Variants in HAUS2 observed in about 807,000 individuals in gnomAD.
HAUS2 encodes HAUS augmin-like complex subunit 2.
In HAUS2, 20 loss-of-function variants were observed where a neutral mutation model predicts 21.6. That is an observed-to-expected ratio of 0.93 (90% CI 0.65 to 1.35). The LOEUF (loss-of-function observed/expected upper bound fraction) is 1.35. Ranked by LOEUF, HAUS2 falls within the 40% of genes most tolerant of loss-of-function variation. HAUS2 has a pLI of 0.00. For missense variants in HAUS2, 297 were observed against 280.7 expected, an observed-to-expected ratio of 1.06 and a Z score of -0.42; for synonymous variants, 113 against 95.6, an observed-to-expected ratio of 1.18 and a Z score of -1.06.
At chr15:42,564,245 G>A (rs76252742) in intron 5 of HAUS2, among the ~76,000 whole-genome samples, 10 of 147,108 alleles carry the variant, frequency 6.8e-5, no homozygotes, top group Admixed American at 3.4e-4. Context: ...CATCCTGGGC[G>A]ACAGCAAGAC....
chr15:42,555,039 G>A (rs1198050019), intron 1 of HAUS2, among the ~76,000 whole-genome samples: 1 of 151,360 alleles, frequency 6.6e-6, no homozygotes, highest in Non-Finnish European at 1.5e-5. Flanking sequence ...CATCAGGCTG[G>A]AGTGCAATGG....
chr15:42,554,010 A>G (rs919209479), intron 1 of HAUS2, among the ~76,000 whole-genome samples: 1 of 152,228 alleles, frequency 6.6e-6, no homozygotes, highest in Non-Finnish European at 1.5e-5. Context: ...TATCTACTTC[A>G]GTGAATGGCA....
chr15:42,558,796 A>G (rs536276988), intron 2 of HAUS2, among the ~76,000 whole-genome samples: 4 of 152,002 alleles, frequency 2.6e-5, no homozygotes, highest in African/African-American at 7.2e-5. Flanking sequence ...CGTCTCTACA[A>G]AAAATTTTAA....
At chr15:42,553,996 G>A (rs1473733288) in intron 1 of HAUS2, among the ~76,000 whole-genome samples, 1 of 152,142 alleles carries the variant, frequency 6.6e-6, no homozygotes. Flanking sequence ...AAAATATCTT[G>A]TGTTATCTAC....
At position 42,548,863 on chromosome 15, in the gene HAUS2, C is replaced by G. The variant is rs537169023; in HGVS notation, c.-10C>G. ...ACTCTTGGCGCCTTCGCGGAAGGTGCGTCCGAGCCATGGCCGCTGCCAACC... is the reference window on the plus strand; with the variant it reads ...ACTCTTGGCGCCTTCGCGGAAGGTGGGTCCGAGCCATGGCCGCTGCCAACC... On this transcript the variant is annotated 5_prime_UTR_variant, in exon 1 of 6. Transcript: ENST00000260372. 2 of 1,544,728 alleles carry G rather than the reference C, an allele frequency of 1.3e-6. No individual in the cohort carries two copies. The highest frequency in any genetic ancestry group is 4.0e-5 in the Admixed American group (2 of 50,522).
chr15:42,549,663 A>G (rs959696805), intron 1 of HAUS2, among the ~76,000 whole-genome samples: 3 of 147,592 alleles, frequency 2.0e-5, no homozygotes, highest in Non-Finnish European at 3.0e-5. Flanking sequence ...GTAAGCCAGG[A>G]TGGTCCCGAT....
chr15:42,552,386 C>G (rs2057734609), intron 1 of HAUS2, among the ~76,000 whole-genome samples: 1 of 152,160 alleles, frequency 6.6e-6, no homozygotes, highest in Admixed American at 6.5e-5. Context: ...GTCACGTCAT[C>G]CCTTCAAACA....
In HAUS2 at chr15:42,566,604, C is replaced by G. The variant is rs758798132; in HGVS notation, c.499-3C>G. On this transcript the variant is annotated splice_polypyrimidine_tract_variant and splice_region_variant and intron_variant, in intron 5 of 5. Transcript: ENST00000260372. Reference sequence around the variant, plus strand: ...CTCCTGTTTCCCTTTTCAAATGTTACAGAACCAGGCTTTAGCAAAGATGGA... The same window carrying G: ...CTCCTGTTTCCCTTTTCAAATGTTAGAGAACCAGGCTTTAGCAAAGATGGA... 2.6e-6 allele frequency: 4 copies of G among 1,532,784 alleles called. No homozygotes were observed. The South Asian group carries it at 4.5e-5, about 17-fold the overall frequency. 94.9% of individuals were successfully genotyped at this position (1,532,784 alleles called of 1,614,324 possible).
In HAUS2 at chr15:42,560,860, TGC is replaced by T. The variant is rs944121021; in HGVS notation, c.257-408_257-407del. On this transcript the variant is annotated intron_variant, in intron 3 of 5. Coordinates refer to ENST00000260372, the MANE Select transcript of HAUS2 (RefSeq NM_018097.3). ...CTCCCGTTTCAGTCTCCCAAAACAC[TGC>T]GATTACAGGTATGAGCTAGAGCACC... is the stretch of plus-strand genomic sequence containing the variant. The T allele has an allele frequency of 1.7e-5, 12 of 702,132 alleles. No homozygotes were observed. The African/African-American group carries it at 2.1e-4, about 12-fold the overall frequency. 43.5% of individuals were successfully genotyped at this position (702,132 alleles called of 1,614,324 possible).
At chr15:42,558,994 C>T (rs2057819896) in intron 2 of HAUS2, among the ~76,000 whole-genome samples, 2 of 152,008 alleles carry the variant, frequency 1.3e-5, no homozygotes, top group Admixed American at 6.6e-5. Context: ...AACAGCAATT[C>T]CTTTGAACTT....
At chr15:42,555,784 T>C (rs2057766649) in intron 1 of HAUS2, among the ~76,000 whole-genome samples, 1 of 152,192 alleles carries the variant, frequency 6.6e-6, no homozygotes. Flanking sequence ...ACTTTTACTA[T>C]GAAGAGCCAG....
In HAUS2 at chr15:42,567,245, CAAA is replaced by C. The variant is rs2057915605; in HGVS notation, c.*433_*435del. The C allele has an allele frequency of 6.0e-6, 1 of 166,772 alleles. No homozygotes were observed. The highest frequency in any genetic ancestry group is 2.4e-5 in the African/African-American group (1 of 41,278). The allele number at this position is 166,772 out of a possible 1,614,324, so 10.3% of individuals were successfully genotyped here. ...TGAAATCCCATATCTACAAAATAAACAAAAAATTAGCCGACCATGGTGGTGCAT... is the reference window on the plus strand; with the variant it reads ...TGAAATCCCATATCTACAAAATAAACAAATTAGCCGACCATGGTGGTGCAT... On this transcript the variant is annotated 3_prime_UTR_variant, in exon 6 of 6. Transcript: ENST00000260372.
At chr15:42,559,038 A>G (rs574480977) in intron 2 of HAUS2, among the ~76,000 whole-genome samples, 1 of 152,256 alleles carries the variant, frequency 6.6e-6, no homozygotes, top group East Asian at 1.9e-4. Context: ...AGCTAGCTAC[A>G]TGTTTACTTA....
At chr15:42,557,066 G>T (rs536766685) in intron 1 of HAUS2, among the ~76,000 whole-genome samples, 3 of 150,812 alleles carry the variant, frequency 2.0e-5, no homozygotes, top group Non-Finnish European at 2.9e-5. Flanking sequence ...TGTAATCGCA[G>T]CATTTTGGGA....
In HAUS2 at chr15:42,548,889, C is replaced by A. The variant is rs773437782; in HGVS notation, c.17C>A (p.Pro6Gln). The change falls in exon 1 of 6, where the codon CCG (proline) becomes CAG (glutamine). Residue 6 changes from proline (P) to glutamine (Q), a missense_variant. Transcript: ENST00000260372. The part of the protein sequence containing the change: MAAAN[P>Q]WDPASAPNGA... ...GTCCGAGCCATGGCCGCTGCCAACCCGTGGGACCCGGCGTCCGCGCCTAAC... is the reference window on the plus strand; with the variant it reads ...GTCCGAGCCATGGCCGCTGCCAACCAGTGGGACCCGGCGTCCGCGCCTAAC... 4 of 1,550,104 alleles carry A rather than the reference C, an allele frequency of 2.6e-6. No homozygotes were observed. The highest frequency in any genetic ancestry group is 3.9e-5 in the Admixed American group (2 of 50,934).
chr15:42,553,601 C>T (rs139296948), intron 1 of HAUS2, among the ~76,000 whole-genome samples: 23 of 152,208 alleles, frequency 1.5e-4, no homozygotes, highest in African/African-American at 5.5e-4. Flanking sequence ...GCCACTGCAC[C>T]TGACCCTCTT....
Position 42,566,699 on chromosome 15 carries a change from T to G in HAUS2, c.591T>G (p.Val197=), listed in dbSNP as rs1182232433. The G allele has an allele frequency of 6.3e-7, 1 of 1,594,894 alleles. No homozygotes were observed. Among genetic ancestry groups the G allele is most frequent in the Non-Finnish European group, 8.6e-7 (1 of 1,162,808 alleles). The change falls in exon 6 of 6, where the codon GTT becomes GTG. Residue 197 remains valine, a synonymous_variant. Transcript: ENST00000260372. The stretch of plus-strand genomic sequence containing the variant: ...AGTGGCGTAAACAACAAAACGAAGT[T>G]TCGTCTTGTATCCCCAAAATATTAG... ...ILKWRKQQNE[V]SSCIPKILAE...
intron 1 of HAUS2, among the ~76,000 whole-genome samples, chr15:42,550,031 T>C (rs1447092931): frequency 6.6e-6 from 1 of 151,724 alleles, no homozygotes; most frequent in Non-Finnish European, 1.5e-5. Context: ...AATGGGGAAA[T>C]AAATTTTGAT....
intron 1 of HAUS2, among the ~76,000 whole-genome samples, chr15:42,555,304 A>AT (rs565862592): frequency 1.8e-4 from 28 of 151,568 alleles, no homozygotes; most frequent in Middle Eastern, 3.4e-3. Flanking sequence ...AATTTTTTTA[A>AT]TTTTTTGTAG....
Sources: gnomAD v4.1 joint callset for allele counts (sites outside exome capture counted in the v4.1 genomes callset) on GRCh38, gnomAD v4.1.1 for gene constraint, MANE v1.5 for transcripts, NCBI Gene and HGNC (gene_info 2026-07-23, HGNC 2026-07-21) for gene names.